LRCH1: variants seen among roughly 807,000 people sequenced by gnomAD.
LRCH1 encodes the protein leucine rich repeats and calponin homology domain containing 1.
LRCH1 carries 23 observed loss-of-function variants against 94.9 expected under a neutral mutation model. That is an observed-to-expected ratio of 0.24 (90% CI 0.17 to 0.34). LRCH1 has a LOEUF of 0.34. Among genes scored for constraint, LRCH1 ranks in the 10% least tolerant of loss-of-function variants. The pLI is 1.00. For missense variants in LRCH1, 790 were observed against 945.9 expected, an observed-to-expected ratio of 0.84 and a Z score of 2.16; for synonymous variants, 364 against 354.9, an observed-to-expected ratio of 1.03 and a Z score of -0.29.
intron 9 of LRCH1, among the ~76,000 whole-genome samples, chr13:46,696,937 G>A (rs1034491176): frequency 2.0e-5 from 3 of 152,124 alleles, no homozygotes; most frequent in Admixed American, 1.3e-4. Context: ...GTGTGGTGGT[G>A]TGCTCCTTGA....
At chr13:46,678,473 C>T (rs535134195) in intron 3 of LRCH1, among the ~76,000 whole-genome samples, 13 of 152,210 alleles carry the variant, frequency 8.5e-5, no homozygotes, top group Non-Finnish European at 1.8e-4. Context: ...TGGGCGTTTT[C>T]CCCCCATTAT....
Position 46,573,867 on chromosome 13 carries a change from T to TATATATA in LRCH1, c.307+20164_307+20165insATATATA, listed in dbSNP as rs1555269135. Reference sequence around the variant, plus strand: ...TCAAATATATATATATATATATATATTTTTTTTTTTTTTGAGATGGAGTCT... The same window carrying TATATATA: ...TCAAATATATATATATATATATATATATATATATTTTTTTTTTTTTGAGATGGAGTCT... On this transcript the variant is annotated intron_variant, in intron 1 of 19. Transcript: ENST00000389797. Among the ~76,000 whole-genome samples, 398 of 52,982 alleles carry TATATATA rather than the reference T, an allele frequency of 7.5e-3. 3 individuals are homozygous for TATATATA. Among genetic ancestry groups the TATATATA allele is most frequent in the African/African-American group, 0.035 (383 of 10,918 alleles). The allele number at this position is 52,982 out of a possible 152,430, so 34.8% of individuals were successfully genotyped here. A position where few individuals can be genotyped will look rare whatever the true frequency, so the allele number is the denominator to read the frequency against.
At chr13:46,615,768 T>C (rs377549045) in intron 1 of LRCH1, among the ~76,000 whole-genome samples, 1 of 152,224 alleles carries the variant, frequency 6.6e-6, no homozygotes, top group Admixed American at 6.5e-5. Context: ...ATTTCTGACA[T>C]GTACAGACGT....
intron 1 of LRCH1, among the ~76,000 whole-genome samples, chr13:46,613,717 A>G (rs2050773220): frequency 6.6e-6 from 1 of 152,234 alleles, no homozygotes; most frequent in Admixed American, 6.5e-5. Context: ...GAAATGGGTC[A>G]TTGATAGCTT....
intron 1 of LRCH1, among the ~76,000 whole-genome samples, chr13:46,614,309 A>G (rs945756691): frequency 5.3e-5 from 8 of 152,156 alleles, no homozygotes; most frequent in Non-Finnish European, 7.4e-5. Flanking sequence ...GTATAGTGTG[A>G]CAGTTAGCCA....
intron 2 of LRCH1, among the ~76,000 whole-genome samples, chr13:46,663,769 T>C (rs2051479240): frequency 6.6e-6 from 1 of 152,196 alleles, no homozygotes; most frequent in Non-Finnish European, 1.5e-5. Flanking sequence ...CTAGCTCCTT[T>C]CCCTTGCTGA....
chr13:46,625,675 A>G (rs2050939979), intron 1 of LRCH1, among the ~76,000 whole-genome samples: 2 of 125,842 alleles, frequency 1.6e-5, no homozygotes, highest in South Asian at 2.6e-4. Flanking sequence ...TTTGTTTGAG[A>G]CAGGGTCTCT....
At chr13:46,631,270 G>A (rs1477230174) in intron 1 of LRCH1, among the ~76,000 whole-genome samples, 2 of 152,290 alleles carry the variant, frequency 1.3e-5, no homozygotes, top group African/African-American at 2.4e-5. Context: ...TATTGAGAGT[G>A]ACTGTCTCTT....
intron 1 of LRCH1, among the ~76,000 whole-genome samples, chr13:46,613,347 G>A (rs1002781458): frequency 9.9e-5 from 15 of 151,702 alleles, no homozygotes; most frequent in African/African-American, 3.2e-4. Flanking sequence ...CCAAGATTGC[G>A]GCTGCACTCC....
Position 46,743,391 on chromosome 13 carries a change from C to T in LRCH1, c.*1543C>T. 1 of 985,682 alleles carries T rather than the reference C, an allele frequency of 1.0e-6. No homozygotes were observed. The highest frequency in any genetic ancestry group is 1.2e-6 in the Non-Finnish European group (1 of 829,892). 61.1% of individuals were successfully genotyped at this position (985,682 alleles called of 1,614,324 possible). On this transcript the variant is annotated 3_prime_UTR_variant, in exon 20 of 20. Transcript: ENST00000389797. Reference sequence around the variant, plus strand: ...TGAGTTATGTGAGTTTTTTTTCCTCCTGACTTTGTGTTGATTGGTGAAATG... The same window carrying T: ...TGAGTTATGTGAGTTTTTTTTCCTCTTGACTTTGTGTTGATTGGTGAAATG...
chr13:46,619,752 T>C (rs1004761395), intron 1 of LRCH1, among the ~76,000 whole-genome samples: 53 of 152,102 alleles, frequency 3.5e-4, no homozygotes, highest in African/African-American at 1.3e-3. Flanking sequence ...GCTGTTGTGG[T>C]GGTTGTTGTT....
chr13:46,743,338 A>G lies in LRCH1; in HGVS notation c.*1490A>G, dbSNP rs1873760095. On this transcript the variant is annotated 3_prime_UTR_variant, in exon 20 of 20. Coordinates refer to ENST00000389797, the MANE Select transcript of LRCH1 (RefSeq NM_001164211.2). ...GCTAAGTCAGATCAGATTTGCTAAC[A>G]GGAAGCATTCTTTACATGACAGTAT... 1 of 985,786 alleles carries G rather than the reference A, an allele frequency of 1.0e-6. No homozygotes were observed. The highest frequency in any genetic ancestry group is 1.2e-6 in the Non-Finnish European group (1 of 829,944). The allele number at this position is 985,786 out of a possible 1,614,324, so 61.1% of individuals were successfully genotyped here. A position where few individuals can be genotyped will look rare whatever the true frequency, so the allele number is the denominator to read the frequency against.
At chr13:46,649,448 G>A (rs1378338145) in intron 1 of LRCH1, among the ~76,000 whole-genome samples, 2 of 152,086 alleles carry the variant, frequency 1.3e-5, no homozygotes, top group East Asian at 1.9e-4. Context: ...ACTGTAGGCC[G>A]TACTGTATGA....
At chr13:46,591,325 C>T (rs1472103149) in intron 1 of LRCH1, among the ~76,000 whole-genome samples, 3 of 152,114 alleles carry the variant, frequency 2.0e-5, no homozygotes, top group Non-Finnish European at 4.4e-5. Context: ...TGAATTAGTT[C>T]CTTTCTTCAA....
chr13:46,589,468 T>G (rs549158709), intron 1 of LRCH1, among the ~76,000 whole-genome samples: 1 of 152,286 alleles, frequency 6.6e-6, no homozygotes, highest in African/African-American at 2.4e-5. Flanking sequence ...TCTAGTTGTC[T>G]CCAAATTGTC....
In LRCH1 at chr13:46,742,750, C is replaced by CATA. The variant is rs939801952; in HGVS notation, c.*904_*905insAAT. 4 of 985,332 alleles carry CATA rather than the reference C, an allele frequency of 4.1e-6. No individual in the cohort carries two copies. In the African/African-American group the frequency reaches 7.0e-5, roughly 17 times the overall value. 61.0% of individuals were successfully genotyped at this position (985,332 alleles called of 1,614,324 possible). A position where few individuals can be genotyped will look rare whatever the true frequency, so the allele number is the denominator to read the frequency against. On this transcript the variant is annotated 3_prime_UTR_variant, in exon 20 of 20. Transcript: ENST00000389797. ...AGAATGTGACGGATTCGACTCTATT[C>CATA]ATTTTCAAATAAAGCCATGAGCCGT... is the stretch of plus-strand genomic sequence containing the variant.
chr13:46,590,480 T>G (rs80008388), intron 1 of LRCH1, among the ~76,000 whole-genome samples: 35 of 152,258 alleles, frequency 2.3e-4, no homozygotes, highest in African/African-American at 8.4e-4. Context: ...TTCAGTGTTA[T>G]CACAGGCCAA....
At chr13:46,668,833 T>A (rs974554459) in intron 2 of LRCH1, among the ~76,000 whole-genome samples, 197 bp from the exon 3 acceptor site, 1 of 98,980 alleles carries the variant, frequency 1.0e-5, no homozygotes, top group African/African-American at 2.9e-5. Context: ...TTATTTTTTT[T>A]TAAAAAAAGA....
chr13:46,709,959 A>T (rs562730603), intron 13 of LRCH1, among the ~76,000 whole-genome samples: 5 of 152,264 alleles, frequency 3.3e-5, no homozygotes, highest in Admixed American at 3.3e-4. Flanking sequence ...CTTACTTATG[A>T]TTTGGTTATT....
Sources: gnomAD v4.1 joint callset for allele counts (sites outside exome capture counted in the v4.1 genomes callset) on GRCh38, gnomAD v4.1.1 for gene constraint, MANE v1.5 for transcripts, NCBI Gene and HGNC (gene_info 2026-07-23, HGNC 2026-07-21) for gene names.